NFIB: variants seen among roughly 807,000 people sequenced by gnomAD.
NFIB encodes nuclear factor 1 B-type.
A neutral mutation model predicts 61.5 loss-of-function variants in NFIB; 11 were observed. The observed-to-expected ratio is 0.18, with a 90% CI of 0.11 to 0.30. NFIB has a LOEUF of 0.30. Among genes scored for constraint, NFIB ranks in the 10% least tolerant of loss-of-function variants. The probability of loss-of-function intolerance (pLI) is 1.00; values close to 1 mark genes in which losing one functional copy is unlikely to be tolerated. For synonymous variants in NFIB, 260 were observed against 216.5 expected, an observed-to-expected ratio of 1.20 and a Z score of -1.76; for missense variants, 471 against 608.9, an observed-to-expected ratio of 0.77 and a Z score of 2.38.
intron 2 of NFIB, among the ~76,000 whole-genome samples, chr9:14,283,052 G>T (rs111917582): frequency 3.2e-3 from 490 of 152,214 alleles, no homozygotes; most frequent in African/African-American, 0.011. Context: ...TATCATCTTA[G>T]AACTACTCTG....
rs1176318517 is a variant in NFIB at position 14,218,143 on chromosome 9, T to C, written c.563-38363A>G. Among the ~76,000 whole-genome samples the C allele has an allele frequency of 2.6e-5, 4 of 152,176 alleles. No individual in the cohort carries two copies. The East Asian group carries it at 7.7e-4, about 29-fold the overall frequency. On this transcript the variant is annotated intron_variant, in intron 2 of 10. Transcript: ENST00000380953. ...GAATAATGAGCTGAGAGCTCCAAGG[T>C]GGTATTTGGAAGGCATACTTTTTCC...
the NFIB span, among the ~76,000 whole-genome samples, chr9:14,463,660 T>TC: frequency 3.7e-3 from 137 of 36,584 alleles, 17 homozygotes; most frequent in African/African-American, 0.012. Flanking sequence ...TTTGATTTTC[T>TC]TTTTTTTTTT....
intron 1 of NFIB, among the ~76,000 whole-genome samples, chr9:14,338,293 C>T (rs1037075745): frequency 6.6e-6 from 1 of 152,064 alleles, no homozygotes; most frequent in Non-Finnish European, 1.5e-5. Context: ...ACTCGGGAGG[C>T]TGAGGCAGGA....
intron 2 of NFIB, among the ~76,000 whole-genome samples, chr9:14,197,045 G>A (rs547572423): frequency 1.3e-5 from 2 of 152,110 alleles, no homozygotes; most frequent in Admixed American, 1.3e-4. Context: ...CCTTCCATTT[G>A]TACTAAATAT....
intron 2 of NFIB, among the ~76,000 whole-genome samples, chr9:14,279,289 A>G (rs1243651628): frequency 1.3e-5 from 2 of 152,132 alleles, no homozygotes; most frequent in Non-Finnish European, 2.9e-5. Flanking sequence ...TATTACATCT[A>G]CTAATCACTA....
At chr9:14,427,946 T>TTG in the NFIB span, among the ~76,000 whole-genome samples, 17 of 99,430 alleles carry the variant, frequency 1.7e-4, 1 homozygote, top group African/African-American at 7.2e-4. Context: ...TGTTTTTTTT[T>TTG]TTTTTTTTTT....
intron 2 of NFIB, among the ~76,000 whole-genome samples, chr9:14,273,132 G>C (rs549056197): frequency 1.3e-5 from 2 of 152,110 alleles, no homozygotes; most frequent in African/African-American, 2.4e-5. Context: ...GCTTTTGCTC[G>C]TCTGGGAAAA....
chr9:14,100,761 C>G (rs562697388), intron 10 of NFIB, among the ~76,000 whole-genome samples: 24 of 152,326 alleles, frequency 1.6e-4, no homozygotes, highest in Admixed American at 5.9e-4. Flanking sequence ...TTTTAAATCT[C>G]TAACAACTTA....
chr9:14,121,438 G>A (rs138690818), intron 7 of NFIB, among the ~76,000 whole-genome samples: 19 of 152,228 alleles, frequency 1.2e-4, no homozygotes, highest in East Asian at 3.9e-4. Flanking sequence ...CAAATAAAAC[G>A]TTTCCCTGTA....
At chr9:14,480,846 T>A in the NFIB span, among the ~76,000 whole-genome samples, 1 of 152,260 alleles carries the variant, frequency 6.6e-6, no homozygotes, top group African/African-American at 2.4e-5. Context: ...ATCCTCTTCC[T>A]GTAGTATGAA....
At chr9:14,476,614 G>A in the NFIB span, among the ~76,000 whole-genome samples, 1,062 of 152,160 alleles carry the variant, frequency 7.0e-3, 8 homozygotes, top group Middle Eastern at 0.017. Context: ...AGATCATCAC[G>A]CAAAATTCCT....
intron 2 of NFIB, among the ~76,000 whole-genome samples, chr9:14,257,701 T>A (rs1031706635): frequency 3.9e-5 from 6 of 152,026 alleles, no homozygotes; most frequent in Non-Finnish European, 8.8e-5. Flanking sequence ...GGTTGTGGTG[T>A]GCCAAGATCG....
chr9:14,146,586 T>C, intron 6 of NFIB, 103 bp downstream of exon 6: 2 of 1,485,400 alleles, frequency 1.3e-6, no homozygotes, highest in Admixed American at 1.9e-5. Context: ...GAAAAAAATA[T>C]ACAATCCATA....
chr9:14,139,988 A>C (rs1012591224), intron 6 of NFIB, among the ~76,000 whole-genome samples: 2 of 152,218 alleles, frequency 1.3e-5, no homozygotes, highest in Non-Finnish European at 2.9e-5. Flanking sequence ...GAAGCTAAAC[A>C]AAGAAACTTA....
At chr9:14,430,394 T>A in the NFIB span, among the ~76,000 whole-genome samples, 1 of 151,960 alleles carries the variant, frequency 6.6e-6, no homozygotes, top group African/African-American at 2.4e-5. Context: ...GACTTTTCAA[T>A]GAGCAAATGA....
chr9:14,298,393 C>T (rs1168318679), intron 2 of NFIB, among the ~76,000 whole-genome samples: 1 of 151,930 alleles, frequency 6.6e-6, no homozygotes, highest in Non-Finnish European at 1.5e-5. Flanking sequence ...TTAAAGAAAC[C>T]ATAAATATAA....
intron 2 of NFIB, among the ~76,000 whole-genome samples, chr9:14,215,089 C>T (rs74773682): frequency 0.027 from 4,001 of 150,208 alleles, 289 homozygotes; most frequent in African/African-American, 0.092. Context: ...TATAATTTTT[C>T]AAAGTAAATA....
intron 1 of NFIB, among the ~76,000 whole-genome samples, chr9:14,322,816 G>C (rs1038535277): frequency 1.3e-5 from 2 of 151,958 alleles, no homozygotes; most frequent in African/African-American, 4.8e-5. Flanking sequence ...TGGGGCTCTG[G>C]TCTTTGTGCG....
upstream of NFIB, chr9:14,314,587 T>C (rs2060451023): frequency 6.6e-6 from 1 of 152,022 alleles, no homozygotes; most frequent in African/African-American, 2.4e-5. Context: ...GCTCGAGCTC[T>C]CTCCAAATCA....
Sources: gnomAD v4.1 joint callset for allele counts (sites outside exome capture counted in the v4.1 genomes callset) on GRCh38, gnomAD v4.1.1 for gene constraint, MANE v1.5 for transcripts, NCBI Gene and HGNC (gene_info 2026-07-23, HGNC 2026-07-21) for gene names.